The following KANSL1L variants were observed in gnomAD, a reference collection of about 807,000 sequenced individuals.
The protein encoded by KANSL1L is KAT8 regulatory NSL complex subunit 1-like protein.
KANSL1L carries 25 observed loss-of-function variants against 108.6 expected under a neutral mutation model. That is an observed-to-expected ratio of 0.23 (90% CI 0.17 to 0.32). The LOEUF (loss-of-function observed/expected upper bound fraction) is 0.32, where lower values mean the gene tolerates loss of function less well. Ranked by LOEUF, KANSL1L falls within the 10% of genes least tolerant of loss-of-function variation. The pLI is 1.00. For missense variants in KANSL1L, 1,137 were observed against 1,125.7 expected, an observed-to-expected ratio of 1.01 and a Z score of -0.14; for synonymous variants, 405 against 395.1, an observed-to-expected ratio of 1.03 and a Z score of -0.30.
chr2:210,092,682 T>C (rs1164728212), intron 5 of KANSL1L, among the ~76,000 whole-genome samples: 1 of 152,220 alleles, frequency 6.6e-6, no homozygotes, highest in Non-Finnish European at 1.5e-5. Context: ...CTCTTCTTGC[T>C]CTGTCTCCTT....
intron 2 of KANSL1L, among the ~76,000 whole-genome samples, chr2:210,131,802 G>C (rs1001264482): frequency 6.6e-6 from 1 of 151,462 alleles, no homozygotes; most frequent in Non-Finnish European, 1.5e-5. Context: ...CAGGTTCAAC[G>C]GATTCTTGTC....
intron 2 of KANSL1L, among the ~76,000 whole-genome samples, chr2:210,141,368 C>T (rs1047566871): frequency 1.3e-5 from 2 of 152,050 alleles, no homozygotes; most frequent in African/African-American, 4.8e-5. Flanking sequence ...ATGTGATGGC[C>T]TTAAGAGGGT....
intron 3 of KANSL1L, among the ~76,000 whole-genome samples, chr2:210,109,818 TAATATA>T (rs1044201857): frequency 2.0e-5 from 3 of 152,014 alleles, no homozygotes; most frequent in Admixed American, 6.5e-5. Context: ...TTTATATTGG[TAATATA>T]AATATAAATA....
chr2:210,073,642 T>C (rs532252765), intron 6 of KANSL1L, among the ~76,000 whole-genome samples: 3 of 152,238 alleles, frequency 2.0e-5, no homozygotes, highest in African/African-American at 7.2e-5. Flanking sequence ...TATAGATTTA[T>C]AGAGCATTTG....
intron 2 of KANSL1L, chr2:210,151,861 T>C (rs2125634744): frequency 6.6e-6 from 1 of 152,364 alleles, no homozygotes; most frequent in East Asian, 1.9e-4. Context: ...TACTTTGCTT[T>C]ATATTTTATT....
At chr2:210,053,653 T>G (rs1175384364) in intron 6 of KANSL1L, among the ~76,000 whole-genome samples, 1 of 151,838 alleles carries the variant, frequency 6.6e-6, no homozygotes, top group Non-Finnish European at 1.5e-5. Context: ...AAGAAAAATT[T>G]TAAATTCTGA....
chr2:210,117,660 A>G (rs1025648749), intron 3 of KANSL1L, among the ~76,000 whole-genome samples: 36 of 152,174 alleles, frequency 2.4e-4, no homozygotes, highest in African/African-American at 8.4e-4. Context: ...ATATCCTTCA[A>G]GATGAACTTT....
chr2:210,103,992 G>A, intron 4 of KANSL1L, 112 bp downstream of exon 4: 1 of 798,724 alleles, frequency 1.3e-6, no homozygotes, highest in Non-Finnish European at 2.1e-6. Context: ...AGATGGCCTA[G>A]TTTAATAACA....
At chr2:210,094,328 A>G (rs1002780649) in intron 5 of KANSL1L, among the ~76,000 whole-genome samples, 1 of 152,176 alleles carries the variant, frequency 6.6e-6, no homozygotes, top group African/African-American at 2.4e-5. Flanking sequence ...ATGCTTAACA[A>G]GGACATCTTC....
intron 2 of KANSL1L, among the ~76,000 whole-genome samples, chr2:210,145,306 T>C (rs987553526): frequency 6.6e-6 from 1 of 152,186 alleles, no homozygotes; most frequent in Non-Finnish European, 1.5e-5. Context: ...GAGGCATCCA[T>C]GAAACAGCCA....
intron 13 of KANSL1L, among the ~76,000 whole-genome samples, 197 bp downstream of exon 13, chr2:210,024,907 T>C (rs2125113366): frequency 6.6e-6 from 1 of 152,310 alleles, no homozygotes; most frequent in East Asian, 1.9e-4. Context: ...ATACAGAAAC[T>C]AATTTCATCA....
intron 3 of KANSL1L, among the ~76,000 whole-genome samples, chr2:210,109,984 T>G (rs1375172260): frequency 6.6e-6 from 1 of 152,152 alleles, no homozygotes; most frequent in African/African-American, 2.4e-5. Flanking sequence ...TAAAAGGCTT[T>G]TTATAGGCCA....
At chr2:210,168,894 C>T (rs1688154861) in intron 1 of KANSL1L, among the ~76,000 whole-genome samples, 1 of 152,076 alleles carries the variant, frequency 6.6e-6, no homozygotes, top group Non-Finnish European at 1.5e-5. Context: ...ATTGAGCACC[C>T]ACTAAGTGAT....
chr2:210,079,664 ATGTATGTGTG>A (rs2094572328), intron 5 of KANSL1L: 9 of 10,064 alleles, frequency 8.9e-4, no homozygotes, highest in East Asian at 7.1e-3. Flanking sequence ...ATATATATAT[ATGTATGTGTG>A]TATATATATA....
At chr2:210,139,331 G>C (rs989630896) in intron 2 of KANSL1L, among the ~76,000 whole-genome samples, 1 of 152,126 alleles carries the variant, frequency 6.6e-6, no homozygotes, top group African/African-American at 2.4e-5. Context: ...TGGTCAGTTT[G>C]ATTGCATACT....
intron 5 of KANSL1L, chr2:210,079,672 G>GTATA (rs1343715938): frequency 3.9e-5 from 1 of 25,526 alleles, no homozygotes; most frequent in African/African-American, 1.2e-4. Flanking sequence ...ATATGTATGT[G>GTATA]TGTATATATA....
chr2:210,149,054 G>A (rs917996342), intron 2 of KANSL1L, among the ~76,000 whole-genome samples: 5 of 151,700 alleles, frequency 3.3e-5, no homozygotes, highest in Non-Finnish European at 7.4e-5. Context: ...GGGGGGAGGG[G>A]GTCTATGACG....
At chr2:210,129,946 C>T (rs574905221) in intron 2 of KANSL1L, among the ~76,000 whole-genome samples, 4 of 142,332 alleles carry the variant, frequency 2.8e-5, no homozygotes, top group Admixed American at 7.3e-5. Context: ...TTGGGGATTA[C>T]GGGTGGTATA....
intron 3 of KANSL1L, 69 bp from the exon 4 acceptor site, chr2:210,104,370 A>G (rs1269606814): frequency 1.9e-6 from 2 of 1,035,494 alleles, no homozygotes; most frequent in South Asian, 1.4e-5. Flanking sequence ...TAATGCTACA[A>G]TGCACTTGAA....
Sources: gnomAD v4.1 joint callset for allele counts (sites outside exome capture counted in the v4.1 genomes callset) on GRCh38, gnomAD v4.1.1 for gene constraint, MANE v1.5 for transcripts, NCBI Gene and HGNC (gene_info 2026-07-23, HGNC 2026-07-21) for gene names.